The following PANK1 variants were observed in gnomAD, a reference collection of about 807,000 sequenced individuals.
The protein encoded by PANK1 is pantothenate kinase 1.
A neutral mutation model predicts 40.1 loss-of-function variants in PANK1; 18 were observed. That is an observed-to-expected ratio of 0.45 (90% CI 0.31 to 0.67). The LOEUF (loss-of-function observed/expected upper bound fraction) is 0.67, where lower values mean the gene tolerates loss of function less well. Among genes scored for constraint, PANK1 ranks in the 30% least tolerant of loss-of-function variants. The pLI, the probability that PANK1 is intolerant of heterozygous loss-of-function variation, is 0.06. For missense variants in PANK1, 457 were observed against 599.6 expected (o/e 0.76, Z 2.48); for synonymous variants, 242 against 237.7 (o/e 1.02, Z -0.17).
At chr10:89,582,354 G>A (rs1444294498), downstream of PANK1, 2 of 152,160 alleles carry the variant, frequency 1.3e-5, no homozygotes, top group Non-Finnish European at 2.9e-5. Flanking sequence ...GATCTCTTTT[G>A]TAAAAAACAG....
chr10:89,618,044 A>G (rs932223599), intron 1 of PANK1, among the ~76,000 whole-genome samples: 11 of 152,192 alleles, frequency 7.2e-5, no homozygotes, highest in African/African-American at 2.2e-4. Context: ...CAGAGAGTCT[A>G]CTAGGAAATA....
intron 5 of PANK1, among the ~76,000 whole-genome samples, chr10:89,589,384 A>G (rs148740266): frequency 1.0e-3 from 152 of 152,320 alleles, no homozygotes; most frequent in African/African-American, 3.4e-3. Context: ...CATTCTGAAC[A>G]TACACTTATG....
intron 1 of PANK1, among the ~76,000 whole-genome samples, chr10:89,624,606 T>C (rs2133985391): frequency 6.6e-6 from 1 of 152,250 alleles, no homozygotes; most frequent in East Asian, 1.9e-4. Context: ...GCAACTTAAA[T>C]TTTACTATTT....
intron 1 of PANK1, among the ~76,000 whole-genome samples, chr10:89,637,084 T>A (rs1005042936): frequency 6.6e-6 from 1 of 151,438 alleles, no homozygotes; most frequent in East Asian, 2.0e-4. Flanking sequence ...GGTCTCGATC[T>A]CCTGACCTTC....
intron 1 of PANK1, 53 bp downstream of exon 1, chr10:89,644,547 C>A (rs1308205615): frequency 6.6e-7 from 1 of 1,504,866 alleles, no homozygotes; most frequent in East Asian, 2.5e-5. Flanking sequence ...CAGTCCCGGG[C>A]CCCGCACGCT....
At position 89,645,233 on chromosome 10, in the gene PANK1, C is replaced by T; in HGVS notation, c.-342G>A. On this transcript the variant is annotated 5_prime_UTR_variant, in exon 1 of 7. Transcript: ENST00000307534. ...GCGACTTCAAACGCGGCTTCCTCGC[C>T]TCCCAGACTGGTCCCCGCCACTGAG... 1 of 1,601,538 alleles carries T rather than the reference C, an allele frequency of 6.2e-7. No homozygotes were observed. The highest frequency in any genetic ancestry group is 8.5e-7 in the Non-Finnish European group (1 of 1,174,786).
At chr10:89,588,858 T>A in intron 5 of PANK1, 81 bp from the exon 6 acceptor site, 2 of 926,536 alleles carry the variant, frequency 2.2e-6, no homozygotes, top group Non-Finnish European at 3.1e-6. Context: ...TGTATGTCTC[T>A]GTACAGAACC....
chr10:89,584,499 C>T (rs536218353), intron 6 of PANK1, 34 bp from the exon 7 acceptor site: 4 of 1,415,550 alleles, frequency 2.8e-6, no homozygotes, highest in Non-Finnish European at 3.0e-6. Flanking sequence ...GATCTCTGAA[C>T]CTTAGCCAAA....
chr10:89,588,663 A>G lies in PANK1; in HGVS notation c.1315T>C (p.Leu439=). 1 of 1,602,444 alleles carries G rather than the reference A, an allele frequency of 6.2e-7. No individual in the cohort carries two copies. Among genetic ancestry groups the G allele is most frequent in the African/African-American group, 1.3e-5 (1 of 74,542 alleles). Residue 439 remains leucine (L), a synonymous_variant, in exon 6 of 7, where the codon TTG becomes CTG. Coordinates refer to ENST00000307534, the MANE Select transcript of PANK1 (RefSeq NM_148977.3). ...WSKGQLKALF[L]EHEGYFGAVG... Reference sequence around the variant, plus strand: ...CAAGCTCAACCTACCTCATGTTCCAAAAACAGAGCTTTCAGTTGTCCTTTG... The same window carrying G: ...CAAGCTCAACCTACCTCATGTTCCAGAAACAGAGCTTTCAGTTGTCCTTTG...
At position 89,645,021 on chromosome 10, in the gene PANK1, G is replaced by C. The variant is rs527272640; in HGVS notation, c.-130C>G. The C allele has an allele frequency of 1.9e-6, 3 of 1,566,804 alleles. No individual in the cohort carries two copies. Among genetic ancestry groups the C allele is most frequent in the Admixed American group, 1.8e-5 (1 of 54,096 alleles). On this transcript the variant is annotated 5_prime_UTR_variant, in exon 1 of 7. Coordinates refer to ENST00000307534, the MANE Select transcript of PANK1 (RefSeq NM_148977.3). ...TCAGCAGCCGCAGAGCCGGCGCCTG[G>C]GGATGGCGAACCCGGCGCTCCTCCC...
chr10:89,588,943 T>A (rs1485782950), intron 5 of PANK1, among the ~76,000 whole-genome samples, 166 bp from the exon 6 acceptor site: 1 of 152,170 alleles, frequency 6.6e-6, no homozygotes, highest in African/African-American at 2.4e-5. Flanking sequence ...ACCAACCTTA[T>A]AGTGCATTCC....
At position 89,611,846 on chromosome 10, in the gene PANK1, T is replaced by C; in HGVS notation, c.495A>G (p.Gly165=). 6 of 1,614,196 alleles carry C rather than the reference T, an allele frequency of 3.7e-6. No homozygotes were observed. Among genetic ancestry groups the C allele is most frequent in the Non-Finnish European group, 5.1e-6 (6 of 1,180,034 alleles). Residue 165 remains glycine (G), a synonymous_variant, in exon 2 of 7, where the codon GGA becomes GGG. Coordinates refer to ENST00000307534, the MANE Select transcript of PANK1 (RefSeq NM_148977.3). The stretch of plus-strand genomic sequence containing the variant: ...GGATGAAGTGCAGGTTCCCTTTGCG[T>C]CCACACATGGTCAGGTTTTTCAGTT... The part of the protein sequence containing the change: ...HLELKNLTMC[G]RKGNLHFIRF...
At chr10:89,637,186 G>C (rs1444530701) in intron 1 of PANK1, among the ~76,000 whole-genome samples, 1 of 151,946 alleles carries the variant, frequency 6.6e-6, no homozygotes, top group East Asian at 1.9e-4. Context: ...CCACAGGTGG[G>C]GTGAGCAAGA....
intron 2 of PANK1, 29 bp downstream of exon 2, chr10:89,611,667 A>G (rs757259826): frequency 1.3e-6 from 2 of 1,491,976 alleles, no homozygotes; most frequent in Middle Eastern, 1.8e-4. Context: ...AGAGGTTTTG[A>G]TGTTTTAACA....
rs1405670944 is a variant in PANK1, at chr10:89,583,515, C to A, written c.*891G>T. The stretch of plus-strand genomic sequence containing the variant: ...TTCCCAATAAGTTTCAAATTTCTTG[C>A]ACAAAGATTTGCTGCCATTCATATT... On this transcript the variant is annotated 3_prime_UTR_variant, in exon 7 of 7. Transcript: ENST00000307534. 1 of 152,118 alleles carries A rather than the reference C, an allele frequency of 6.6e-6. No homozygotes were observed. Among genetic ancestry groups the A allele is most frequent in the African/African-American group, 2.4e-5 (1 of 41,432 alleles). The allele number at this position is 152,118 out of a possible 1,614,324, so 9.4% of individuals were successfully genotyped here. A position where few individuals can be genotyped will look rare whatever the true frequency, so the allele number is the denominator to read the frequency against.
intron 1 of PANK1, among the ~76,000 whole-genome samples, chr10:89,638,459 G>C (rs914302505): frequency 6.6e-6 from 1 of 152,092 alleles, no homozygotes; most frequent in Admixed American, 6.6e-5. Context: ...CCACACCCTT[G>C]GTCTTCTCTC....
At chr10:89,606,907 A>G (rs940209388) in intron 2 of PANK1, among the ~76,000 whole-genome samples, 14 of 152,146 alleles carry the variant, frequency 9.2e-5, no homozygotes, top group African/African-American at 2.9e-4. Flanking sequence ...TCTGGATTAG[A>G]CTTTGGCTTA....
intron 2 of PANK1, among the ~76,000 whole-genome samples, chr10:89,610,156 C>T (rs1242245383): frequency 1.3e-5 from 2 of 152,188 alleles, no homozygotes; most frequent in African/African-American, 4.8e-5. Flanking sequence ...TACTTTCTCA[C>T]CTCCAGAGGT....
intron 1 of PANK1, among the ~76,000 whole-genome samples, chr10:89,638,642 T>C (rs1217041575): frequency 6.6e-6 from 1 of 152,240 alleles, no homozygotes; most frequent in Non-Finnish European, 1.5e-5. Flanking sequence ...TCGTAGTTTA[T>C]TGCTCTTACA....
Sources: allele counts gnomAD v4.1 joint callset (sites outside exome capture counted in the v4.1 genomes callset), GRCh38; gene constraint gnomAD v4.1.1; transcripts MANE v1.5; gene names NCBI Gene and HGNC (gene_info 2026-07-23, HGNC 2026-07-21).